Variants in SH3KBP1 observed in about 807,000 individuals in gnomAD.
SH3KBP1 encodes SH3 domain-containing kinase-binding protein 1.
SH3KBP1 carries 8 observed loss-of-function variants against 50.1 expected under a neutral mutation model. That is an observed-to-expected ratio of 0.16 (90% CI 0.09 to 0.29). SH3KBP1 has a LOEUF of 0.29. SH3KBP1 is among the 10% of genes least tolerant of loss of function. SH3KBP1 has a pLI of 1.00. For missense variants in SH3KBP1, 377 were observed against 535.2 expected, an observed-to-expected ratio of 0.70 and a Z score of 2.92; for synonymous variants, 227 against 218.6, an observed-to-expected ratio of 1.04 and a Z score of -0.34.
chrX:19,707,584 AG>A (rs1167014334), intron 3 of SH3KBP1, among the ~76,000 whole-genome samples: 1 of 111,200 alleles, frequency 9.0e-6, no homozygotes, highest in African/African-American at 3.3e-5. Context: ...CCTCTGTCCC[AG>A]GGGATCCATT....
At chrX:19,681,888 T>C (rs1247886237) in intron 6 of SH3KBP1, among the ~76,000 whole-genome samples, 1 of 109,443 alleles carries the variant, frequency 9.1e-6, no homozygotes, top group Admixed American at 9.7e-5. Context: ...CTCCCTGGCT[T>C]CGCTCTTAAG....
In SH3KBP1 at chrX:19,706,962, G is replaced by A. The variant is rs932074606; in HGVS notation, c.309C>T (p.Cys103=). The A allele has an allele frequency of 8.3e-7, 1 of 1,210,841 alleles. No individual in the cohort carries two copies. Among genetic ancestry groups the A allele is most frequent in the Non-Finnish European group, 1.1e-6 (1 of 894,538 alleles). The change falls in exon 4 of 18, where the codon TGC becomes TGT. Residue 103 remains cysteine (C), a synonymous_variant. Transcript: ENST00000397821. The part of the protein sequence containing the change: ...NKRGERRRRR[C]QVAFSYLPQN... ...GGGGCAGGTAGCTGAATGCCACCTG[G>A]CACCGGCGCCTCCGTCGCTCGCCTG... is the stretch of plus-strand genomic sequence containing the variant.
At chrX:19,732,087 A>G (rs2064397000) in intron 3 of SH3KBP1, among the ~76,000 whole-genome samples, 1 of 111,592 alleles carries the variant, frequency 9.0e-6, no homozygotes, top group Non-Finnish European at 1.9e-5. Flanking sequence ...AGGTTTGCAC[A>G]TGTCCACTTT....
rs929970321 is a variant in SH3KBP1, at chrX:19,691,518, A to C, written c.520+4094T>G. Reference sequence around the variant, plus strand: ...TAATGATCAATTTATAGGAATACAGATTTAATGACACAGCAGAGATGAAAT... The same window carrying C: ...TAATGATCAATTTATAGGAATACAGCTTTAATGACACAGCAGAGATGAAAT... On this transcript the variant is annotated intron_variant, in intron 5 of 17. Coordinates refer to ENST00000397821, the MANE Select transcript of SH3KBP1 (RefSeq NM_031892.3). 6.5e-5 allele frequency among the ~76,000 whole-genome samples: 7 copies of C among 108,036 alleles called. No homozygotes were observed. In the South Asian group the frequency reaches 2.8e-3, roughly 43 times the overall value. The allele number at this position is 108,036 out of a possible 115,157, so 93.8% of individuals were successfully genotyped here.
At chrX:19,687,827 T>C (rs1447140860) in intron 5 of SH3KBP1, 1 of 487,064 alleles carries the variant, frequency 2.1e-6, no homozygotes, top group Non-Finnish European at 3.6e-6. Flanking sequence ...AAGAGCTTCA[T>C]CCACAAAATT....
intron 1 of SH3KBP1, among the ~76,000 whole-genome samples, chrX:19,873,002 C>T (rs1044202047): frequency 9.2e-6 from 1 of 109,208 alleles, no homozygotes; most frequent in Non-Finnish European, 1.9e-5. Context: ...TCTTCCTTCT[C>T]ATCATCAGGG....
At chrX:19,824,797 G>A (rs900364557) in intron 2 of SH3KBP1, among the ~76,000 whole-genome samples, 3 of 111,212 alleles carry the variant, frequency 2.7e-5, no homozygotes, top group Non-Finnish European at 3.8e-5. Flanking sequence ...TCACAAGACC[G>A]CCCCCCTCCA....
chrX:19,562,592 G>A (rs1194998233), intron 13 of SH3KBP1, among the ~76,000 whole-genome samples: 3 of 111,428 alleles, frequency 2.7e-5, no homozygotes, highest in Non-Finnish European at 5.7e-5. Context: ...ACTAGAATAC[G>A]GTCTCAGCAT....
chrX:19,752,705 T>G (rs2065099759), intron 2 of SH3KBP1, among the ~76,000 whole-genome samples: 1 of 112,516 alleles, frequency 8.9e-6, no homozygotes. Context: ...TGCACTTCAC[T>G]GCATGCAATT....
intron 3 of SH3KBP1, among the ~76,000 whole-genome samples, chrX:19,738,543 G>T (rs2064664416): frequency 9.1e-6 from 1 of 109,664 alleles, no homozygotes; most frequent in Non-Finnish European, 1.9e-5. Flanking sequence ...GCTATCCTCA[G>T]AGCCTAGTGT....
chrX:19,588,187 C>T, intron 12 of SH3KBP1: 1 of 413,749 alleles, frequency 2.4e-6, no homozygotes, highest in Non-Finnish European at 3.8e-6. Flanking sequence ...CAGTGAAGAG[C>T]AGAGGGAGCC....
intron 15 of SH3KBP1, 54 bp downstream of exon 15, chrX:19,545,868 C>T: frequency 8.5e-7 from 1 of 1,178,742 alleles, no homozygotes; most frequent in South Asian, 1.8e-5. Context: ...TATAACCCAT[C>T]ATTAGCACAT....
chrX:19,875,808 C>T (rs763104345), intron 1 of SH3KBP1, among the ~76,000 whole-genome samples: 4 of 112,516 alleles, frequency 3.6e-5, no homozygotes, highest in African/African-American at 1.3e-4. Context: ...ACAAGTCACA[C>T]AGAAGAAAGG....
At chrX:19,773,582 C>T (rs111552760) in intron 2 of SH3KBP1, among the ~76,000 whole-genome samples, 2 of 109,589 alleles carry the variant, frequency 1.8e-5, no homozygotes, top group Non-Finnish European at 3.8e-5. Context: ...TTCAGCCAGG[C>T]GCAGCGGCTC....
At chrX:19,795,637 A>T (rs2066685887) in intron 2 of SH3KBP1, among the ~76,000 whole-genome samples, 1 of 111,167 alleles carries the variant, frequency 9.0e-6, no homozygotes, top group Non-Finnish European at 1.9e-5. Context: ...TACCAGCCAG[A>T]CCCCATCACT....
chrX:19,742,655 T>A (rs967822281), intron 3 of SH3KBP1, among the ~76,000 whole-genome samples: 1 of 111,624 alleles, frequency 9.0e-6, no homozygotes, highest in African/African-American at 3.3e-5. Context: ...AATGCTTTTT[T>A]AAAAAAGTCT....
At chrX:19,713,450 TG>T (rs1003068353) in intron 3 of SH3KBP1, among the ~76,000 whole-genome samples, 1 of 107,913 alleles carries the variant, frequency 9.3e-6, no homozygotes, top group Non-Finnish European at 1.9e-5. Flanking sequence ...TTTGTAAAGA[TG>T]GGGTCTCGCT....
intron 2 of SH3KBP1, among the ~76,000 whole-genome samples, chrX:19,803,707 C>T (rs1043678989): frequency 9.0e-6 from 1 of 111,213 alleles, no homozygotes; most frequent in South Asian, 3.7e-4. Context: ...GTAAGATTTA[C>T]GAAATGTTAA....
intron 3 of SH3KBP1, among the ~76,000 whole-genome samples, chrX:19,738,193 T>C (rs746646038): frequency 3.6e-5 from 4 of 111,756 alleles, no homozygotes; most frequent in Non-Finnish European, 7.5e-5. Flanking sequence ...ACTATGCTAA[T>C]GTGCTTGTCA....
Sources: allele counts gnomAD v4.1 joint callset (sites outside exome capture counted in the v4.1 genomes callset), GRCh38; gene constraint gnomAD v4.1.1; transcripts MANE v1.5; gene names NCBI Gene and HGNC (gene_info 2026-07-23, HGNC 2026-07-21).